IKBKB: variants seen among roughly 807,000 people sequenced by gnomAD.
IKBKB encodes inhibitor of nuclear factor kappa B kinase subunit beta.
A neutral mutation model predicts 113.6 loss-of-function variants in IKBKB; 42 were observed. The ratio of observed to expected loss-of-function variants is 0.37; its 90% confidence interval spans 0.29 to 0.48. The LOEUF is 0.48. Among genes scored for constraint, IKBKB ranks in the 20% least tolerant of loss-of-function variants. The pLI is 0.99. For missense variants in IKBKB, 673 were observed against 939.7 expected, an observed-to-expected ratio of 0.72 and a Z score of 3.71; for synonymous variants, 296 against 361.3, an observed-to-expected ratio of 0.82 and a Z score of 2.05.
rs756574798 is a variant in IKBKB, at chr8:42,331,017, T to C, written c.*38T>C. 6.9e-6 allele frequency: 11 copies of C among 1,600,742 alleles called. 1 individual carries two copies. The South Asian group carries it at 1.1e-4, about 16-fold the overall frequency. ...CGACCCCCTGACATGGGGCAGCCCA[T>C]AGCAGGCCTTGTGCAGTGGGGGGAC... On this transcript the variant is annotated 3_prime_UTR_variant, in exon 22 of 22. Transcript: ENST00000520810.
intron 16 of IKBKB, 57 bp downstream of exon 16, chr8:42,320,901 T>C: frequency 8.6e-7 from 1 of 1,161,324 alleles, no homozygotes; most frequent in Non-Finnish European, 1.2e-6. Context: ...GCCCTGGAGC[T>C]TCGGTGTGTG....
chr8:42,279,250 G>A (rs1269993620), intron 2 of IKBKB, among the ~76,000 whole-genome samples: 3 of 152,260 alleles, frequency 2.0e-5, no homozygotes, highest in Non-Finnish European at 4.4e-5. Context: ...AGATGAGCGT[G>A]TATGTTCTCT....
intron 5 of IKBKB, among the ~76,000 whole-genome samples, chr8:42,302,903 A>AGCAAATG (rs1815565893): frequency 1.3e-5 from 2 of 152,166 alleles, no homozygotes; most frequent in Admixed American, 1.3e-4. Context: ...ATATGTTTTC[A>AGCAAATG]GCAAATGTTC....
intron 4 of IKBKB, among the ~76,000 whole-genome samples, chr8:42,291,873 G>A (rs1285092556): frequency 2.0e-5 from 3 of 152,124 alleles, no homozygotes; most frequent in Non-Finnish European, 2.9e-5. Flanking sequence ...TTGAGGCTAC[G>A]GTGAGCTATG....
intron 2 of IKBKB, 46 bp downstream of exon 2, chr8:42,272,251 C>G (rs1807935973): frequency 1.9e-6 from 3 of 1,613,046 alleles, no homozygotes; most frequent in Non-Finnish European, 2.5e-6. Flanking sequence ...GCCAGGCCCC[C>G]TCCTCACTGC....
At chr8:42,328,305 T>G (rs948485672) in intron 20 of IKBKB, among the ~76,000 whole-genome samples, 1 of 147,988 alleles carries the variant, frequency 6.8e-6, no homozygotes, top group Admixed American at 6.8e-5. Context: ...CATGAGCTCC[T>G]GGAGTATAGT....
intron 21 of IKBKB, 141 bp downstream of exon 21, chr8:42,329,355 C>G (rs1475446085): frequency 1.6e-6 from 2 of 1,274,358 alleles, no homozygotes; most frequent in Admixed American, 4.2e-5. Context: ...CAGGGTCTCT[C>G]TCTCTCACCC....
At chr8:42,301,647 C>T (rs1426202623) in intron 5 of IKBKB, among the ~76,000 whole-genome samples, 1 of 152,132 alleles carries the variant, frequency 6.6e-6, no homozygotes, top group African/African-American at 2.4e-5. Flanking sequence ...ATGACCACCC[C>T]GAAATGAGGA....
At chr8:42,271,717 C>T in intron 1 of IKBKB, 1 of 509,162 alleles carries the variant, frequency 2.0e-6, no homozygotes, top group South Asian at 2.5e-5. Context: ...AACACGTGAC[C>T]TCGGCGATGC....
intron 19 of IKBKB, chr8:42,325,160 G>A (rs1820503352): frequency 2.2e-6 from 2 of 926,942 alleles, no homozygotes; most frequent in Admixed American, 6.2e-5. Flanking sequence ...AAGATTGGCC[G>A]GCGGTCGTGG....
intron 8 of IKBKB, 174 bp from the exon 9 acceptor site, chr8:42,314,148 T>G (rs1438681857): frequency 1.6e-6 from 1 of 621,254 alleles, no homozygotes; most frequent in Non-Finnish European, 2.9e-6. Flanking sequence ...GCTGTACAGG[T>G]TTGTAGCCTA....
rs1186400398 is a variant in IKBKB at position 42,316,090 on chromosome 8, A to G, written c.801-120A>G. Reference sequence around the variant, plus strand: ...GAAATGTTTATACTGTTTCTGATAAACCCATTTTCATTTTCAATCACCGTC... The same window carrying G: ...GAAATGTTTATACTGTTTCTGATAAGCCCATTTTCATTTTCAATCACCGTC... On this transcript the variant is annotated intron_variant, in intron 9 of 21. Coordinates refer to ENST00000520810, the MANE Select transcript of IKBKB (RefSeq NM_001556.3). The surrounding 1 kb of genome is among the most constrained non-coding windows in gnomAD (Gnocchi z 4.5). The G allele has an allele frequency of 3.0e-5, 31 of 1,044,954 alleles. No individual in the cohort carries two copies. Among genetic ancestry groups the G allele is most frequent in the Non-Finnish European group, 3.9e-5 (28 of 722,276 alleles). 64.7% of individuals were successfully genotyped at this position (1,044,954 alleles called of 1,614,324 possible). A position where few individuals can be genotyped will look rare whatever the true frequency, so the allele number is the denominator to read the frequency against.
intron 4 of IKBKB, among the ~76,000 whole-genome samples, chr8:42,292,219 T>C (rs777385879): frequency 6.6e-6 from 1 of 152,218 alleles, no homozygotes; most frequent in Non-Finnish European, 1.5e-5. Flanking sequence ...TGGAGACTTC[T>C]CAGAGGGCAG....
intron 1 of IKBKB, 115 bp downstream of exon 1, chr8:42,271,584 G>A (rs1446414099): frequency 1.8e-6 from 1 of 557,854 alleles, no homozygotes; most frequent in East Asian, 3.3e-5. Context: ...TTGCGGACTG[G>A]GGAGCGTTTC....
chr8:42,320,686 C>A, intron 15 of IKBKB, 49 bp from the exon 16 acceptor site: 2 of 1,485,174 alleles, frequency 1.3e-6, no homozygotes, highest in South Asian at 1.1e-5. Context: ...TCTTGCATCT[C>A]AGCATGCGCC....
intron 18 of IKBKB, 46 bp downstream of exon 18, chr8:42,322,199 C>G (rs1440237618): frequency 6.4e-7 from 1 of 1,567,402 alleles, no homozygotes; most frequent in Admixed American, 1.7e-5. Context: ...CTGGGAGATG[C>G]AGGTATGAGG....
Position 42,329,134 on chromosome 8 carries a change from G to A in IKBKB, c.2125G>A (p.Val709Met), listed in dbSNP as rs201615746. 6.2e-7 allele frequency: 1 copy of A among 1,602,830 alleles called. No individual in the cohort carries two copies. The highest frequency in any genetic ancestry group is 8.5e-7 in the Non-Finnish European group (1 of 1,176,144). ...PEPAKKSEEL[V>M]AEAHNLCTLL... ...GATCATTTTCTTTAGTGAAGAACTG[G>A]TGGCTGAAGCACATAACCTCTGCAC... Residue 709 changes from valine (V) to methionine (M), a missense_variant, in exon 21 of 22, where the codon GTG (valine) becomes ATG (methionine). By Grantham distance (21) the Val-to-Met change is conservative (BLOSUM62 1). This residue lies in a region of IKBKB where 506 missense variants were observed against 638.7 expected (regional missense o/e 0.79). Coordinates refer to ENST00000520810, the MANE Select transcript of IKBKB (RefSeq NM_001556.3).
chr8:42,274,510 T>G (rs1226703383), intron 2 of IKBKB, among the ~76,000 whole-genome samples: 2 of 138,268 alleles, frequency 1.4e-5, no homozygotes. Flanking sequence ...TACTTTCTAC[T>G]TCTGCGAGAT....
chr8:42,280,559 A>G (rs1415836002), intron 2 of IKBKB, among the ~76,000 whole-genome samples: 1 of 152,016 alleles, frequency 6.6e-6, no homozygotes, highest in Non-Finnish European at 1.5e-5. Context: ...GTGGGTCCCC[A>G]CTTTTTGCAT....
Sources: allele counts gnomAD v4.1 joint callset (sites outside exome capture counted in the v4.1 genomes callset), GRCh38; gene constraint gnomAD v4.1.1; regional missense constraint gnomAD v4.1.1; non-coding constraint Gnocchi (gnomAD v3.1); transcripts MANE v1.5; gene names NCBI Gene and HGNC (gene_info 2026-07-23, HGNC 2026-07-21).